CDH2: variants seen among roughly 807,000 people sequenced by gnomAD.
The protein encoded by CDH2 is cadherin 2.
CDH2 carries 17 observed loss-of-function variants against 92.0 expected under a neutral mutation model. The ratio of observed to expected loss-of-function variants is 0.18; its 90% CI spans 0.13 to 0.28. The LOEUF (loss-of-function observed/expected upper bound fraction) is 0.28. Among genes scored for constraint, CDH2 ranks in the 10% least tolerant of loss-of-function variants. The pLI, the probability that CDH2 is intolerant of heterozygous loss-of-function variation, is 1.00. For synonymous variants in CDH2, 419 were observed against 415.9 expected (o/e 1.01, Z -0.09); for missense variants, 862 against 1,133.1 (o/e 0.76, Z 3.44).
intron 6 of CDH2, among the ~76,000 whole-genome samples, chr18:27,944,849 G>T (rs2143839138): frequency 6.6e-6 from 1 of 151,658 alleles, no homozygotes; most frequent in Non-Finnish European, 1.5e-5. Flanking sequence ...AGAAGTTTGA[G>T]GCGGCTGCAG....
chr18:28,144,992 T>G (rs942515906), intron 2 of CDH2, among the ~76,000 whole-genome samples: 1 of 152,128 alleles, frequency 6.6e-6, no homozygotes, highest in African/African-American at 2.4e-5. Context: ...TTCTTCTATA[T>G]AATTTTCTAA....
At chr18:27,971,222 C>T (rs936267132) in intron 14 of CDH2, among the ~76,000 whole-genome samples, 22 of 144,574 alleles carry the variant, frequency 1.5e-4, no homozygotes, top group African/African-American at 5.0e-4. Context: ...GGCAACAGAG[C>T]GAGACTCCAT....
intron 5 of CDH2, among the ~76,000 whole-genome samples, chr18:28,007,931 A>G (rs914066686): frequency 6.6e-6 from 1 of 152,092 alleles, no homozygotes; most frequent in Non-Finnish European, 1.5e-5. Flanking sequence ...ACAGGGTTTC[A>G]CCATGTTGGC....
intron 2 of CDH2, among the ~76,000 whole-genome samples, chr18:28,089,810 CACCTGCTA>C (rs756237749): frequency 1.2e-4 from 19 of 152,154 alleles, no homozygotes; most frequent in Non-Finnish European, 2.4e-4. Context: ...ATTTAATGGA[CACCTGCTA>C]CCCTGGGTAT....
chr18:28,056,548 ACTTT>A (rs575416775), intron 2 of CDH2, among the ~76,000 whole-genome samples: 29 of 152,220 alleles, frequency 1.9e-4, no homozygotes, highest in African/African-American at 3.6e-4. Context: ...CAATTATGTA[ACTTT>A]CTTTATTTGT....
chr18:28,064,683 G>T (rs2014473224), intron 2 of CDH2, among the ~76,000 whole-genome samples: 1 of 151,664 alleles, frequency 6.6e-6, no homozygotes, highest in African/African-American at 2.4e-5. Context: ...AAAAACAACT[G>T]GAGCCCTATT....
At chr18:28,082,615 TATC>T (rs1326606611) in intron 2 of CDH2, among the ~76,000 whole-genome samples, 3 of 152,204 alleles carry the variant, frequency 2.0e-5, no homozygotes, top group Middle Eastern at 3.2e-3. Flanking sequence ...AAGCAATTCT[TATC>T]ATTTCATTAA....
chr18:28,164,118 A>T (rs2016344742), intron 1 of CDH2, among the ~76,000 whole-genome samples: 2 of 152,204 alleles, frequency 1.3e-5, no homozygotes, highest in African/African-American at 4.8e-5. Flanking sequence ...ATTATTTTTC[A>T]AAAGTGACCT....
chr18:28,109,502 C>T (rs190487652), intron 2 of CDH2, among the ~76,000 whole-genome samples: 1 of 152,256 alleles, frequency 6.6e-6, no homozygotes, highest in East Asian at 1.9e-4. Flanking sequence ...TTTGGCCACA[C>T]CTCTGTTACA....
chr18:27,964,837 T>TCTC (rs1297254733), intron 14 of CDH2, among the ~76,000 whole-genome samples: 2 of 152,172 alleles, frequency 1.3e-5, no homozygotes, highest in Non-Finnish European at 1.5e-5. Flanking sequence ...AAAGCCTGGC[T>TCTC]CTCTTCACAA....
At chr18:28,150,490 G>A (rs1056528818) in intron 1 of CDH2, among the ~76,000 whole-genome samples, 4 of 152,150 alleles carry the variant, frequency 2.6e-5, no homozygotes, top group Admixed American at 6.5e-5. Flanking sequence ...GGGCCATGTC[G>A]AAGCTGTCAG....
At chr18:28,163,971 T>G (rs1414558396) in intron 1 of CDH2, among the ~76,000 whole-genome samples, 1 of 152,170 alleles carries the variant, frequency 6.6e-6, no homozygotes, top group Non-Finnish European at 1.5e-5. Context: ...TCCAAGGAAG[T>G]AGGAATATTC....
At chr18:28,100,685 A>G (rs920682874) in intron 2 of CDH2, among the ~76,000 whole-genome samples, 1 of 152,168 alleles carries the variant, frequency 6.6e-6, no homozygotes, top group African/African-American at 2.4e-5. Flanking sequence ...AGCTTCGCAG[A>G]TTTTTCAACC....
intron 2 of CDH2, among the ~76,000 whole-genome samples, chr18:28,036,970 A>G (rs2013845174): frequency 6.6e-6 from 1 of 152,160 alleles, no homozygotes; most frequent in Non-Finnish European, 1.5e-5. Context: ...TCATTTAGCA[A>G]TCTGTTCAGT....
At chr18:28,000,557 G>T (rs993521543) in intron 7 of CDH2, among the ~76,000 whole-genome samples, 1 of 152,052 alleles carries the variant, frequency 6.6e-6, no homozygotes, top group Non-Finnish European at 1.5e-5. Context: ...TTCAAACCTG[G>T]GGGGAGCAGG....
At chr18:28,064,300 G>T (rs970604441) in intron 2 of CDH2, among the ~76,000 whole-genome samples, 11 of 151,786 alleles carry the variant, frequency 7.2e-5, no homozygotes, top group African/African-American at 2.7e-4. Context: ...TAAGAGATAG[G>T]GTCTCACTCT....
At chr18:28,075,780 CAG>C (rs1419355718) in intron 2 of CDH2, among the ~76,000 whole-genome samples, 1 of 152,166 alleles carries the variant, frequency 6.6e-6, no homozygotes, top group Non-Finnish European at 1.5e-5. Context: ...AGGGAAGGAC[CAG>C]ATCTCTTGCT....
intron 2 of CDH2, among the ~76,000 whole-genome samples, chr18:28,087,740 C>T (rs941096590): frequency 6.6e-6 from 1 of 151,936 alleles, no homozygotes; most frequent in African/African-American, 2.4e-5. Context: ...ATTTCAGAGG[C>T]TCAGCCACTC....
In CDH2 at chr18:28,177,057, A is replaced by AGGAGGC. The variant is rs542802421; in HGVS notation, c.-36_-35insGCCTCC. The stretch of plus-strand genomic sequence containing the variant: ...GAGGGGCCGAGCGAAGAGCCGGAGG[A>AGGAGGC]GGCGGCGGCGGCGGCGGCGGCGGCG... On this transcript the variant is annotated 5_prime_UTR_variant, in exon 1 of 16. Transcript: ENST00000269141. 1.5e-5 allele frequency: 19 copies of AGGAGGC among 1,302,364 alleles called. 1 individual carries two copies. The South Asian group carries it at 2.4e-4, about 17-fold the overall frequency. 80.7% of individuals were successfully genotyped at this position (1,302,364 alleles called of 1,614,324 possible). A position where few individuals can be genotyped will look rare whatever the true frequency, so the allele number is the denominator to read the frequency against.
Sources: allele counts gnomAD v4.1 joint callset (sites outside exome capture counted in the v4.1 genomes callset), GRCh38; gene constraint gnomAD v4.1.1; transcripts MANE v1.5; gene names NCBI Gene and HGNC (gene_info 2026-07-23, HGNC 2026-07-21).